The following PACRG variants were observed in gnomAD, a reference collection of about 807,000 sequenced individuals.
PACRG encodes the protein parkin coregulated gene protein.
A neutral mutation model predicts 29.7 loss-of-function variants in PACRG; 29 were observed. The observed-to-expected ratio is 0.98, with a 90% CI of 0.73 to 1.33. PACRG has a LOEUF of 1.33. Ranked by LOEUF, PACRG falls within the 40% of genes most tolerant of loss-of-function variation. The pLI is 0.00. For synonymous variants in PACRG, 116 were observed against 118.7 expected (o/e 0.98, Z 0.15); for missense variants, 279 against 316.2 (o/e 0.88, Z 0.89).
chr6:163,179,287 C>G, intron 4 of PACRG: 2 of 455,274 alleles, frequency 4.4e-6, no homozygotes, highest in Non-Finnish European at 8.8e-6. Context: ...GGAACTCAGC[C>G]TTCCTTCCCA....
At chr6:163,152,821 C>A (rs993567066) in intron 4 of PACRG, among the ~76,000 whole-genome samples, 1 of 152,088 alleles carries the variant, frequency 6.6e-6, no homozygotes, top group Non-Finnish European at 1.5e-5. Flanking sequence ...TATGATGGTC[C>A]CTAAACTGTT....
chr6:162,986,286 G>T (rs1802882528), intron 2 of PACRG, among the ~76,000 whole-genome samples: 1 of 152,026 alleles, frequency 6.6e-6, no homozygotes, highest in African/African-American at 2.4e-5. Flanking sequence ...AAATCTGAAG[G>T]CCTCACATTA....
chr6:163,038,301 G>A (rs956129309), intron 2 of PACRG, among the ~76,000 whole-genome samples: 5 of 152,212 alleles, frequency 3.3e-5, no homozygotes, highest in Admixed American at 3.3e-4. Flanking sequence ...ATACAGAAGA[G>A]CAGGACACAT....
chr6:163,244,979 C>T (rs969447057), intron 4 of PACRG: 6 of 446,696 alleles, frequency 1.3e-5, no homozygotes, highest in African/African-American at 6.0e-5. Context: ...TCCATGTTAG[C>T]GAAGTGGGGA....
intron 3 of PACRG, among the ~76,000 whole-genome samples, chr6:163,081,338 G>A (rs1813053302): frequency 6.6e-6 from 1 of 152,188 alleles, no homozygotes; most frequent in Non-Finnish European, 1.5e-5. Flanking sequence ...AGGGACTACA[G>A]CAGGGGCATG....
intron 2 of PACRG, among the ~76,000 whole-genome samples, chr6:162,899,344 C>T (rs750364377): frequency 6.6e-6 from 1 of 152,018 alleles, no homozygotes; most frequent in African/African-American, 2.4e-5. Flanking sequence ...CCAGAAACCA[C>T]GGGGGGAAAG....
chr6:163,049,505 T>G (rs1474192655), intron 2 of PACRG, among the ~76,000 whole-genome samples: 1 of 152,000 alleles, frequency 6.6e-6, no homozygotes, highest in Non-Finnish European at 1.5e-5. Flanking sequence ...CATTAACGAA[T>G]TCAAAAACAT....
At chr6:162,906,695 G>A (rs553991893) in intron 2 of PACRG, among the ~76,000 whole-genome samples, 5 of 152,150 alleles carry the variant, frequency 3.3e-5, no homozygotes, top group Admixed American at 6.6e-5. Context: ...CTCAAAAGAC[G>A]TTACAAGTAT....
rs148140118 is a variant in PACRG at position 162,883,712 on chromosome 6, G to GTGTGTGTA, written c.291+69434_291+69435insGTGTATGT. 2.6e-3 allele frequency among the ~76,000 whole-genome samples: 394 copies of GTGTGTGTA among 149,966 alleles called. 2 individuals are homozygous for GTGTGTGTA. The highest frequency in any genetic ancestry group is 6.6e-3 in the Admixed American group (99 of 15,012). ...TGTGTGTGTGTGTGTGTGTGTGTGTGTGTATGTATGTATATATCTGCATAC... is the reference window on the plus strand; with the variant it reads ...TGTGTGTGTGTGTGTGTGTGTGTGTGTGTGTGTATGTATGTATGTATATATCTGCATAC... On this transcript the variant is annotated intron_variant, in intron 2 of 4. Coordinates refer to ENST00000366888, the MANE Select transcript of PACRG (RefSeq NM_001080379.2).
At chr6:162,833,002 T>A (rs1788917247) in intron 2 of PACRG, among the ~76,000 whole-genome samples, 1 of 152,136 alleles carries the variant, frequency 6.6e-6, no homozygotes, top group Non-Finnish European at 1.5e-5. Flanking sequence ...TAATCAACAT[T>A]TGAAAGGAGT....
intron 4 of PACRG, among the ~76,000 whole-genome samples, chr6:163,307,787 A>T (rs1283287841): frequency 1.3e-5 from 2 of 152,238 alleles, no homozygotes; most frequent in African/African-American, 4.8e-5. Context: ...AAAAGCAGAT[A>T]ACTTCACGGC....
intron 2 of PACRG, among the ~76,000 whole-genome samples, chr6:162,969,136 G>A (rs1461980579): frequency 2.6e-5 from 4 of 151,086 alleles, no homozygotes; most frequent in African/African-American, 4.9e-5. Flanking sequence ...ATAGAGGTCC[G>A]GTAACTAATT....
intron 2 of PACRG, among the ~76,000 whole-genome samples, chr6:162,863,832 A>G (rs886659381): frequency 6.6e-6 from 1 of 152,234 alleles, no homozygotes; most frequent in Non-Finnish European, 1.5e-5. Flanking sequence ...TAAATTATTC[A>G]TGCTCTCATA....
In PACRG at chr6:162,747,404, A is replaced by ATATATATG. The variant is rs1554271494; in HGVS notation, c.156+19020_156+19021insGTATATAT. On this transcript the variant is annotated intron_variant, in intron 1 of 4. Coordinates refer to ENST00000366888, the MANE Select transcript of PACRG (RefSeq NM_001080379.2). ...TGTATATATATGTATATATATATGT[A>ATATATATG]TATATATATATAACTATAAATATAT... Among the ~76,000 whole-genome samples the ATATATATG allele has an allele frequency of 1.5e-3, 29 of 19,540 alleles. 1 individual carries two copies. In the East Asian group the frequency reaches 0.018, roughly 12 times the overall value. 12.8% of individuals were successfully genotyped at this position (19,540 alleles called of 152,430 possible).
intron 4 of PACRG, among the ~76,000 whole-genome samples, chr6:163,201,761 A>G (rs1443599662): frequency 1.3e-5 from 2 of 152,224 alleles, no homozygotes; most frequent in East Asian, 3.9e-4. Context: ...TGGTAAGAGC[A>G]TGGTGACGGT....
At chr6:163,312,000 A>G (rs1785438206) in intron 4 of PACRG, among the ~76,000 whole-genome samples, 1 of 152,202 alleles carries the variant, frequency 6.6e-6, no homozygotes, top group South Asian at 2.1e-4. Flanking sequence ...TATGCCGACA[A>G]AAGGCACCAT....
chr6:163,166,877 G>C (rs1485903732), intron 4 of PACRG, among the ~76,000 whole-genome samples: 1 of 152,132 alleles, frequency 6.6e-6, no homozygotes, highest in Non-Finnish European at 1.5e-5. Context: ...TTGTTATTTT[G>C]TTGCAAACCT....
intron 2 of PACRG, among the ~76,000 whole-genome samples, chr6:163,028,324 A>C (rs1807338349): frequency 6.6e-6 from 1 of 152,192 alleles, no homozygotes; most frequent in Admixed American, 6.5e-5. Flanking sequence ...GAAGGTCTCC[A>C]GGTACCTAGT....
chr6:162,989,372 G>A (rs1022398747), intron 2 of PACRG, among the ~76,000 whole-genome samples: 2 of 152,094 alleles, frequency 1.3e-5, no homozygotes, highest in Admixed American at 6.5e-5. Context: ...ATAAAAGTAC[G>A]GTCATGCCTC....
Sources: gnomAD v4.1 joint callset for allele counts (sites outside exome capture counted in the v4.1 genomes callset) on GRCh38, gnomAD v4.1.1 for gene constraint, MANE v1.5 for transcripts, NCBI Gene and HGNC (gene_info 2026-07-23, HGNC 2026-07-21) for gene names.